The following RBM39 variants were observed in gnomAD, a reference collection of about 807,000 sequenced individuals.
RBM39 encodes the protein RNA-binding protein 39.
Under a neutral mutation model 79.6 loss-of-function variants are expected in RBM39, and 12 were observed. The observed-to-expected ratio is 0.15, with a 90% CI of 0.10 to 0.24. The LOEUF (loss-of-function observed/expected upper bound fraction) is 0.24, where lower values mean the gene tolerates loss of function less well. Among genes scored for constraint, RBM39 ranks in the 10% least tolerant of loss-of-function variants. The probability of loss-of-function intolerance (pLI) is 1.00; values close to 1 mark genes in which losing one functional copy is unlikely to be tolerated. For synonymous variants in RBM39, 185 were observed against 208.4 expected (o/e 0.89, Z 0.97); for missense variants, 243 against 653.4 (o/e 0.37, Z 6.85).
chr20:35,732,107 T>G lies in RBM39; in HGVS notation c.130A>C (p.Ser44Arg). Residue 44 changes from serine (S) to arginine (R), a missense_variant, in exon 4 of 17, where the codon AGT becomes CGT. Around this residue, in one of 4 missense-constraint regions of RBM39, gnomAD observed 115 missense variants for 184.1 expected, o/e 0.62. Coordinates refer to ENST00000253363, the MANE Select transcript of RBM39 (RefSeq NM_184234.3). ...CTTTTGCTTCTCTTTCGTTCATGAC[T>G]ACGACTTCTGCTCTTGCTTTTTTTC... ...KRKKSKSRSR[S>R]HERKRSKSKE... 1 of 1,614,130 alleles carries G rather than the reference T, an allele frequency of 6.2e-7. No homozygotes were observed. The highest frequency in any genetic ancestry group is 8.5e-7 in the Non-Finnish European group (1 of 1,180,028).
At chr20:35,731,827 T>G in intron 4 of RBM39, 114 bp downstream of exon 4, 2 of 991,996 alleles carry the variant, frequency 2.0e-6, no homozygotes, top group Non-Finnish European at 3.1e-6. Context: ...TTCAATACTT[T>G]TTAACCAATC....
intron 8 of RBM39, among the ~76,000 whole-genome samples, chr20:35,722,721 C>G (rs892296549): frequency 1.4e-4 from 21 of 151,650 alleles, no homozygotes; most frequent in Admixed American, 6.6e-5. Context: ...ATCACGAGGT[C>G]AGGAGATCAA....
At chr20:35,722,991 G>A (rs904849498) in intron 8 of RBM39, among the ~76,000 whole-genome samples, 1 of 150,596 alleles carries the variant, frequency 6.6e-6, no homozygotes, top group East Asian at 1.9e-4. Context: ...AATGAATCAT[G>A]AACCTACATT....
chr20:35,728,043 T>G (rs923528859), intron 6 of RBM39, among the ~76,000 whole-genome samples: 2 of 152,170 alleles, frequency 1.3e-5, no homozygotes, highest in Non-Finnish European at 2.9e-5. Context: ...CACCTCAGTC[T>G]CCCAAAGTGC....
At chr20:35,717,237 G>A (rs2037252790) in intron 9 of RBM39, among the ~76,000 whole-genome samples, 1 of 151,010 alleles carries the variant, frequency 6.6e-6, no homozygotes, top group East Asian at 1.9e-4. Context: ...CCCAGAGCAC[G>A]CCACTGTACT....
rs2035369724 is a variant in RBM39, at chr20:35,703,227, A to G, written c.*1254T>C. ...AACCCCTTAATACAGTAATATATGC[A>G]CCTTATTTAATATATTAATATATAA... On this transcript the variant is annotated 3_prime_UTR_variant, in exon 17 of 17. Coordinates refer to ENST00000253363, the MANE Select transcript of RBM39 (RefSeq NM_184234.3). 1 of 152,096 alleles carries G rather than the reference A, an allele frequency of 6.6e-6. No individual in the cohort carries two copies. The highest frequency in any genetic ancestry group is 1.5e-5 in the Non-Finnish European group (1 of 68,004). The allele number at this position is 152,096 out of a possible 1,614,324, so 9.4% of individuals were successfully genotyped here. A position where few individuals can be genotyped will look rare whatever the true frequency, so the allele number is the denominator to read the frequency against.
intron 3 of RBM39, chr20:35,736,739 C>T (rs989095062): frequency 8.4e-6 from 3 of 358,510 alleles, no homozygotes; most frequent in South Asian, 4.4e-5. Flanking sequence ...CAACCTCTGC[C>T]TCCCAGGTTC....
chr20:35,708,860 ATTCCAGG>A (rs1355068969), intron 13 of RBM39: 1 of 193,940 alleles, frequency 5.2e-6, no homozygotes, highest in Non-Finnish European at 1.1e-5. Flanking sequence ...CAACTTCCAG[ATTCCAGG>A]TTCTAAAATA....
intron 13 of RBM39, 112 bp from the exon 14 acceptor site, chr20:35,707,313 C>T (rs2035863578): frequency 3.5e-6 from 2 of 567,748 alleles, no homozygotes; most frequent in East Asian, 3.3e-5. Context: ...TAGGATGTCA[C>T]TGGAGTTATT....
At chr20:35,713,908 T>C (rs934977668) in intron 11 of RBM39, 3 of 309,490 alleles carry the variant, frequency 9.7e-6, no homozygotes, top group South Asian at 5.5e-5. Context: ...AACATTATAA[T>C]AGCTGCAACT....
intron 9 of RBM39, 86 bp downstream of exon 9, chr20:35,721,654 A>C: frequency 6.9e-7 from 1 of 1,456,636 alleles, no homozygotes; most frequent in Admixed American, 2.2e-5. Context: ...ACTCACAGAA[A>C]GATAACAAAG....
intron 9 of RBM39, among the ~76,000 whole-genome samples, chr20:35,717,299 A>G (rs956594341): frequency 3.5e-4 from 52 of 149,694 alleles, no homozygotes; most frequent in African/African-American, 1.2e-3. Flanking sequence ...AACAAAAACA[A>G]AAAAAAAAAA....
At position 35,702,126 on chromosome 20, in the gene RBM39, G is replaced by A. The variant is rs2035312259; in HGVS notation, c.*2355C>T. 6.6e-6 allele frequency: 1 copy of A among 152,170 alleles called. No homozygotes were observed. Among genetic ancestry groups the A allele is most frequent in the African/African-American group, 2.4e-5 (1 of 41,444 alleles). 9.4% of individuals were successfully genotyped at this position (152,170 alleles called of 1,614,324 possible). On this transcript the variant is annotated 3_prime_UTR_variant, in exon 17 of 17. Transcript: ENST00000253363. ...CCATCTCACCTGCCCAGGCCACGCA[G>A]ACCCTGGAGTTACTAACCCGCATTG...
At position 35,704,395 on chromosome 20, in the gene RBM39, CTT is replaced by C. The variant is rs905715819; in HGVS notation, c.*84_*85del. 5 of 1,016,746 alleles carry C rather than the reference CTT, an allele frequency of 4.9e-6. No homozygotes were observed. The African/African-American group carries it at 8.2e-5, about 17-fold the overall frequency. The allele number at this position is 1,016,746 out of a possible 1,614,324, so 63.0% of individuals were successfully genotyped here. ...TACAAATGACAGTAGATCCTTGCCTCTTTATTTTTATCTAAATAAAAGATAAC... is the reference window on the plus strand; with the variant it reads ...TACAAATGACAGTAGATCCTTGCCTCTATTTTTATCTAAATAAAAGATAAC... On this transcript the variant is annotated 3_prime_UTR_variant, in exon 17 of 17. Transcript: ENST00000253363.
chr20:35,720,527 A>G (rs2037767048), intron 9 of RBM39, among the ~76,000 whole-genome samples: 1 of 151,702 alleles, frequency 6.6e-6, no homozygotes, highest in Non-Finnish European at 1.5e-5. Flanking sequence ...TAATCCCAGC[A>G]CTTTAGGAGG....
chr20:35,705,927 C>T (rs185444115), intron 14 of RBM39, among the ~76,000 whole-genome samples: 2 of 152,086 alleles, frequency 1.3e-5, no homozygotes, highest in African/African-American at 2.4e-5. Context: ...ATGGGCCAGG[C>T]GCAGCAGCTC....
intron 3 of RBM39, chr20:35,735,218 G>GA: frequency 2.4e-6 from 3 of 1,253,804 alleles, no homozygotes; most frequent in Non-Finnish European, 3.1e-6. Context: ...GAGCTTAACG[G>GA]AATGGACGCT....
intron 6 of RBM39, among the ~76,000 whole-genome samples, chr20:35,725,532 T>G (rs557974996): frequency 2.6e-5 from 4 of 152,278 alleles, no homozygotes; most frequent in African/African-American, 9.6e-5. Flanking sequence ...CCGCCTGCCT[T>G]GGCCTCCCAA....
At position 35,725,018 on chromosome 20, in the gene RBM39, C is replaced by T. The variant is rs2038487084; in HGVS notation, c.534+20G>A. On this transcript the variant is annotated intron_variant, in intron 7 of 16. Transcript: ENST00000253363. Reference sequence around the variant, plus strand: ...TTGCAATTTCTACCTACTTGACCTCCCTAAACAGGTTAAGATTACCTTTCC... The same window carrying T: ...TTGCAATTTCTACCTACTTGACCTCTCTAAACAGGTTAAGATTACCTTTCC... 1.3e-6 allele frequency: 2 copies of T among 1,536,408 alleles called. No homozygotes were observed. Among genetic ancestry groups the T allele is most frequent in the South Asian group, 2.3e-5 (2 of 87,040 alleles).
Sources: gnomAD v4.1 joint callset for allele counts (sites outside exome capture counted in the v4.1 genomes callset) on GRCh38, gnomAD v4.1.1 for gene constraint, gnomAD v4.1.1 regional missense constraint, MANE v1.5 for transcripts, NCBI Gene and HGNC (gene_info 2026-07-23, HGNC 2026-07-21) for gene names.